The following SENP1 variants were observed in gnomAD, a reference collection of about 807,000 sequenced individuals.
SENP1 encodes the protein sentrin-specific protease 1.
SENP1 carries 21 observed loss-of-function variants against 93.0 expected under a neutral mutation model. That is an observed-to-expected ratio of 0.23 (90% CI 0.16 to 0.33). SENP1 has a LOEUF of 0.33. Ranked by LOEUF, SENP1 falls within the 10% of genes least tolerant of loss-of-function variation. The probability of loss-of-function intolerance (pLI) is 1.00; values close to 1 mark genes in which losing one functional copy is unlikely to be tolerated. For synonymous variants in SENP1, 256 were observed against 259.6 expected (o/e 0.99, Z 0.13); for missense variants, 591 against 758.7 (o/e 0.78, Z 2.60).
chr12:48,044,954 A>G lies in SENP1; in HGVS notation c.*368T>C, dbSNP rs1941258168. The G allele has an allele frequency of 4.2e-6, 1 of 236,144 alleles. No homozygotes were observed. The highest frequency in any genetic ancestry group is 2.2e-5 in the African/African-American group (1 of 45,838). The allele number at this position is 236,144 out of a possible 1,614,324, so 14.6% of individuals were successfully genotyped here. On this transcript the variant is annotated 3_prime_UTR_variant, in exon 18 of 18. Transcript: ENST00000549518. ...CTTTCCTACTTCTTAGTAAGGCCTA[A>G]CAACAAGAATTTATATGAAACCAAG...
At chr12:48,084,453 T>G (rs980052424) in intron 5 of SENP1, among the ~76,000 whole-genome samples, 1 of 147,986 alleles carries the variant, frequency 6.8e-6, no homozygotes, top group Non-Finnish European at 1.5e-5. Flanking sequence ...TTGAGTTTTT[T>G]TTTTTTTTTT....
chr12:48,089,294 C>T, intron 4 of SENP1: 1 of 1,371,510 alleles, frequency 7.3e-7, no homozygotes. Flanking sequence ...AGGCCTGGGC[C>T]TGAAAGAAGG....
At chr12:48,094,194 G>A (rs1405498852) in intron 4 of SENP1, among the ~76,000 whole-genome samples, 1 of 152,034 alleles carries the variant, frequency 6.6e-6, no homozygotes. Flanking sequence ...GTGCAATACA[G>A]CAAGACCCTC....
chr12:48,060,147 T>A (rs1275921894), intron 13 of SENP1, among the ~76,000 whole-genome samples: 1 of 152,208 alleles, frequency 6.6e-6, no homozygotes, highest in East Asian at 1.9e-4. Context: ...TCCTCAGGGA[T>A]CACTGCCTGG....
intron 13 of SENP1, among the ~76,000 whole-genome samples, chr12:48,058,952 C>G (rs1009012242): frequency 6.6e-6 from 1 of 152,164 alleles, no homozygotes; most frequent in Non-Finnish European, 1.5e-5. Flanking sequence ...GATGTAGCTA[C>G]ATTGTCTTCT....
intron 4 of SENP1, among the ~76,000 whole-genome samples, chr12:48,093,311 TCTCA>T (rs1945334685): frequency 7.8e-6 from 1 of 128,276 alleles, no homozygotes; most frequent in Non-Finnish European, 1.6e-5. Context: ...GGAAATGGAG[TCTCA>T]CTGTGTCGCC....
chr12:48,083,230 C>A (rs1051078146), intron 6 of SENP1, among the ~76,000 whole-genome samples: 1 of 152,040 alleles, frequency 6.6e-6, no homozygotes, highest in African/African-American at 2.4e-5. Flanking sequence ...TCAAAAACTA[C>A]GGAGGAAGAG....
At chr12:48,058,134 C>T (rs1363373446) in intron 13 of SENP1, among the ~76,000 whole-genome samples, 4 of 151,100 alleles carry the variant, frequency 2.6e-5, no homozygotes, top group Non-Finnish European at 5.9e-5. Flanking sequence ...TTTGTAGAGA[C>T]GGGGTTTCAC....
chr12:48,067,753 C>T (rs1051779342), intron 9 of SENP1, among the ~76,000 whole-genome samples: 3 of 151,860 alleles, frequency 2.0e-5, no homozygotes, highest in Admixed American at 1.3e-4. Context: ...GTGGGAGAAT[C>T]GCTTGAGCCA....
At chr12:48,067,983 C>T (rs540748476) in intron 9 of SENP1, among the ~76,000 whole-genome samples, 1 of 152,252 alleles carries the variant, frequency 6.6e-6, no homozygotes, top group South Asian at 2.1e-4. Context: ...GCCTCAGCCT[C>T]CTGAGTAGCT....
At chr12:48,051,697 G>C (rs1941826019) in intron 13 of SENP1, among the ~76,000 whole-genome samples, 1 of 152,242 alleles carries the variant, frequency 6.6e-6, no homozygotes, top group South Asian at 2.1e-4. Context: ...AGGGATCACA[G>C]TGTTCAAGAT....
chr12:48,081,747 G>C (rs909654905), intron 6 of SENP1, among the ~76,000 whole-genome samples: 3 of 151,080 alleles, frequency 2.0e-5, no homozygotes, highest in Non-Finnish European at 3.0e-5. Flanking sequence ...ATTTTTTTTT[G>C]TAGAGACAGG....
rs11168384 is a variant in SENP1 at position 48,071,007 on chromosome 12, C to T, written c.995+660G>A. Among the ~76,000 whole-genome samples, 1,208 of 152,192 alleles carry T rather than the reference C, an allele frequency of 7.9e-3. 28 individuals are homozygous for T. Among genetic ancestry groups the T allele is most frequent in the African/African-American group, 0.028 (1,144 of 41,530 alleles). On this transcript the variant is annotated intron_variant, in intron 9 of 17. Coordinates refer to ENST00000549518, the MANE Select transcript of SENP1 (RefSeq NM_001267594.2). ...GCTGAGGCAAGAGGATCACTTGAGC[C>T]CAGGAGTTCAAAGCTCCAGTGAGCC...
At chr12:48,061,743 A>C (rs547737837) in intron 13 of SENP1, among the ~76,000 whole-genome samples, 2 of 152,196 alleles carry the variant, frequency 1.3e-5, no homozygotes, top group Non-Finnish European at 2.9e-5. Context: ...TCAATACTTA[A>C]GGATACCTAA....
intron 15 of SENP1, 108 bp from the exon 16 acceptor site, chr12:48,047,170 C>A: frequency 1.5e-6 from 1 of 683,548 alleles, no homozygotes; most frequent in South Asian, 1.7e-5. Flanking sequence ...TTCATCTGCT[C>A]TTCTGAGGAA....
At chr12:48,081,379 C>T (rs1944475686) in intron 6 of SENP1, 1 of 151,860 alleles carries the variant, frequency 6.6e-6, no homozygotes, top group African/African-American at 2.4e-5. Flanking sequence ...TTAGCATGGC[C>T]CCTGTACAAC....
chr12:48,098,151 A>C, intron 2 of SENP1, 27 bp from the exon 3 acceptor site: 1 of 1,595,516 alleles, frequency 6.3e-7, no homozygotes, highest in Non-Finnish European at 8.6e-7. Context: ...GATTAGTTCA[A>C]GTCACATAAT....
At chr12:48,056,120 A>T (rs1309304405) in intron 13 of SENP1, among the ~76,000 whole-genome samples, 3 of 108,208 alleles carry the variant, frequency 2.8e-5, no homozygotes, top group Non-Finnish European at 5.0e-5. Flanking sequence ...ATATATTTAA[A>T]ATATAGTATA....
chr12:48,094,347 T>C (rs1384646031), intron 4 of SENP1, among the ~76,000 whole-genome samples: 1 of 151,802 alleles, frequency 6.6e-6, no homozygotes, highest in African/African-American at 2.4e-5. Flanking sequence ...GTCACCACAC[T>C]CCAACCTGGG....
Sources: gnomAD v4.1 joint callset for allele counts (sites outside exome capture counted in the v4.1 genomes callset) on GRCh38, gnomAD v4.1.1 for gene constraint, MANE v1.5 for transcripts, NCBI Gene and HGNC (gene_info 2026-07-23, HGNC 2026-07-21) for gene names.